The following SLC5A4 variants were observed in gnomAD, a reference collection of about 807,000 sequenced individuals.
The protein encoded by SLC5A4 is probable glucose sensor protein SLC5A4.
SLC5A4 carries 55 observed loss-of-function variants against 70.3 expected under a neutral mutation model. The ratio of observed to expected loss-of-function variants is 0.78; its 90% CI spans 0.63 to 0.98. The LOEUF is 0.98. Among genes scored for constraint, SLC5A4 ranks in the 50% least tolerant of loss-of-function variants. The pLI is 0.00. For synonymous variants in SLC5A4, 268 were observed against 305.7 expected (o/e 0.88, Z 1.29); for missense variants, 735 against 839.2 (o/e 0.88, Z 1.53).
chr22:32,262,554 C>T, the SLC5A4 span, among the ~76,000 whole-genome samples: 4 of 152,240 alleles, frequency 2.6e-5, no homozygotes, highest in East Asian at 3.9e-4. Flanking sequence ...TCTTCTTTAT[C>T]GACAAGTTTT....
At chr22:32,306,392 G>T in the SLC5A4 span, among the ~76,000 whole-genome samples, 1 of 151,828 alleles carries the variant, frequency 6.6e-6, no homozygotes, top group African/African-American at 2.4e-5. Flanking sequence ...CGTGAACCTG[G>T]GAGGCGGAGC....
chr22:32,238,006 C>A (rs1202029036), intron 6 of SLC5A4, among the ~76,000 whole-genome samples: 1 of 152,106 alleles, frequency 6.6e-6, no homozygotes, highest in Non-Finnish European at 1.5e-5. Flanking sequence ...GACACTTATG[C>A]CAAACCCTAA....
the SLC5A4 span, among the ~76,000 whole-genome samples, chr22:32,330,205 T>C: frequency 1.2e-4 from 2 of 16,254 alleles, no homozygotes; most frequent in Admixed American, 1.4e-3. Context: ...TGTTGGGCCC[T>C]GTGTGTATTG....
the SLC5A4 span, among the ~76,000 whole-genome samples, chr22:32,318,944 T>G: frequency 6.6e-6 from 1 of 152,144 alleles, no homozygotes; most frequent in African/African-American, 2.4e-5. Context: ...TCTGGGTGTG[T>G]TGTGAAGGTG....
the SLC5A4 span, among the ~76,000 whole-genome samples, chr22:32,336,349 G>A: frequency 2.1e-4 from 32 of 152,366 alleles, no homozygotes; most frequent in South Asian, 6.4e-3. Flanking sequence ...TTGTGGAAGC[G>A]TCTTTTTGTT....
intron 6 of SLC5A4, among the ~76,000 whole-genome samples, chr22:32,238,468 T>C (rs1397767544): frequency 6.6e-6 from 1 of 152,196 alleles, no homozygotes; most frequent in Non-Finnish European, 1.5e-5. Flanking sequence ...TATGTTAGTA[T>C]GCATGAGAAG....
the SLC5A4 span, among the ~76,000 whole-genome samples, chr22:32,278,384 C>T: frequency 6.6e-6 from 1 of 152,130 alleles, no homozygotes; most frequent in Non-Finnish European, 1.5e-5. Context: ...ATTTCTTACC[C>T]TCATAAAGAT....
intron 5 of SLC5A4, among the ~76,000 whole-genome samples, chr22:32,241,371 A>T (rs1163969211): frequency 6.6e-6 from 1 of 152,196 alleles, no homozygotes; most frequent in Non-Finnish European, 1.5e-5. Flanking sequence ...CACCGAGGAG[A>T]AGCTTCTAGA....
chr22:32,248,814 C>A lies in SLC5A4; in HGVS notation c.313-12G>T. On this transcript the variant is annotated splice_polypyrimidine_tract_variant and intron_variant, in intron 3 of 14. Coordinates refer to ENST00000266086, the MANE Select transcript of SLC5A4 (RefSeq NM_014227.3). The stretch of plus-strand genomic sequence containing the variant: ...AACATTACTGAGGACTACAAGGAAC[C>A]AAAATAAGAGACAGTGAGACATTAA... 1.3e-6 allele frequency: 2 copies of A among 1,591,086 alleles called. No homozygotes were observed. Among genetic ancestry groups the A allele is most frequent in the South Asian group, 2.2e-5 (2 of 90,596 alleles).
the SLC5A4 span, among the ~76,000 whole-genome samples, chr22:32,264,241 G>A: frequency 2.0e-5 from 3 of 151,674 alleles, no homozygotes; most frequent in African/African-American, 7.3e-5. Flanking sequence ...AAAACTGGAC[G>A]ATGACCTTTC....
At chr22:32,324,569 C>T in the SLC5A4 span, among the ~76,000 whole-genome samples, 41 of 152,202 alleles carry the variant, frequency 2.7e-4, 1 homozygote, top group Non-Finnish European at 8.8e-5. Context: ...AGACCTCACT[C>T]ACTGGGCGCC....
chr22:32,242,500 G>A (rs1440254508), intron 5 of SLC5A4, among the ~76,000 whole-genome samples: 16 of 152,150 alleles, frequency 1.1e-4, no homozygotes, highest in Non-Finnish European at 2.2e-4. Flanking sequence ...ACGAGATCAG[G>A]AGTTCGAGAC....
chr22:32,340,254 CA>C, the SLC5A4 span, among the ~76,000 whole-genome samples: 2 of 152,194 alleles, frequency 1.3e-5, no homozygotes, highest in Admixed American at 6.5e-5. Flanking sequence ...GAGCCCTCAA[CA>C]AATGGGAGCT....
chr22:32,248,906 G>T, intron 3 of SLC5A4, 104 bp from the exon 4 acceptor site: 2 of 775,182 alleles, frequency 2.6e-6, no homozygotes, highest in Non-Finnish European at 2.3e-6. Context: ...AAAAAAGTTG[G>T]CTCAATCCTG....
At chr22:32,349,734 A>G in the SLC5A4 span, among the ~76,000 whole-genome samples, 2 of 152,202 alleles carry the variant, frequency 1.3e-5, no homozygotes, top group Non-Finnish European at 2.9e-5. Flanking sequence ...CTTTATACAA[A>G]CATCACACAT....
chr22:32,340,944 G>A, the SLC5A4 span, among the ~76,000 whole-genome samples: 6 of 152,156 alleles, frequency 3.9e-5, no homozygotes, highest in South Asian at 2.1e-4. Context: ...GGCCAAAGAC[G>A]ACGGACAAGG....
the SLC5A4 span, among the ~76,000 whole-genome samples, chr22:32,329,778 TGTGTGTTGGAGGCTCTG>T: frequency 1.1e-4 from 9 of 82,634 alleles, no homozygotes; most frequent in East Asian, 1.9e-3. Flanking sequence ...GGCTCTGGTG[TGTGTGTTGGAGGCTCTG>T]GTGTGTGTGT....
chr22:32,351,699 G>A, the SLC5A4 span, among the ~76,000 whole-genome samples: 2 of 102,976 alleles, frequency 1.9e-5, no homozygotes, highest in Non-Finnish European at 3.8e-5. Context: ...GATTCCGTCG[G>A]GGCGGGGGTG....
At chr22:32,347,228 G>A in the SLC5A4 span, among the ~76,000 whole-genome samples, 1 of 152,112 alleles carries the variant, frequency 6.6e-6, no homozygotes, top group South Asian at 2.1e-4. Flanking sequence ...AGGATGTGGA[G>A]AAATAGGAAC....
Sources: allele counts gnomAD v4.1 joint callset (sites outside exome capture counted in the v4.1 genomes callset), GRCh38; gene constraint gnomAD v4.1.1; transcripts MANE v1.5; gene names NCBI Gene and HGNC (gene_info 2026-07-23, HGNC 2026-07-21).